MEIS2: variants seen among roughly 807,000 people sequenced by gnomAD.
The protein encoded by MEIS2 is homeobox protein Meis2.
Under a neutral mutation model 58.6 loss-of-function variants are expected in MEIS2, and 9 were observed. The ratio of observed to expected loss-of-function variants is 0.15; its 90% confidence interval spans 0.09 to 0.27. MEIS2 has a LOEUF of 0.27. Ranked by LOEUF, MEIS2 falls within the 10% of genes least tolerant of loss-of-function variation. The pLI is 1.00. For synonymous variants in MEIS2, 221 were observed against 228.4 expected, an observed-to-expected ratio of 0.97 and a Z score of 0.29; for missense variants, 427 against 635.0, an observed-to-expected ratio of 0.67 and a Z score of 3.52.
intron 9 of MEIS2, among the ~76,000 whole-genome samples, chr15:36,919,943 T>C (rs146216332): frequency 2.1e-4 from 32 of 152,222 alleles, no homozygotes; most frequent in African/African-American, 7.7e-4. Context: ...TTCGTCCAAA[T>C]ATTTAGGCAC....
At chr15:36,895,362 T>A (rs975926568) in intron 10 of MEIS2, 101 bp from the exon 11 acceptor site, 1 of 990,102 alleles carries the variant, frequency 1.0e-6, no homozygotes, top group Non-Finnish European at 1.5e-6. Flanking sequence ...ATAGCAACAA[T>A]GTGGTTGGCA....
At chr15:36,967,998 G>A (rs1485296288) in intron 8 of MEIS2, among the ~76,000 whole-genome samples, 2 of 152,228 alleles carry the variant, frequency 1.3e-5, no homozygotes, top group Admixed American at 6.5e-5. Context: ...TACTTGTTAA[G>A]AGTGTGGTGT....
At chr15:37,044,712 C>A (rs143819647) in intron 7 of MEIS2, among the ~76,000 whole-genome samples, 3 of 152,298 alleles carry the variant, frequency 2.0e-5, no homozygotes, top group Non-Finnish European at 4.4e-5. Context: ...ATTAACAGAG[C>A]TAGTGTGCTA....
intron 8 of MEIS2, among the ~76,000 whole-genome samples, chr15:37,027,370 A>T (rs1255329696): frequency 6.6e-6 from 1 of 152,150 alleles, no homozygotes; most frequent in East Asian, 1.9e-4. Flanking sequence ...GTATTCTCAT[A>T]ACCCAGTCAA....
chr15:36,900,311 T>C (rs2056402753), intron 9 of MEIS2, among the ~76,000 whole-genome samples: 1 of 152,324 alleles, frequency 6.6e-6, no homozygotes, highest in African/African-American at 2.4e-5. Context: ...GGGCTACACA[T>C]AATTTCATTA....
intron 8 of MEIS2, among the ~76,000 whole-genome samples, chr15:37,015,343 T>C (rs896029529): frequency 6.6e-6 from 1 of 152,206 alleles, no homozygotes; most frequent in African/African-American, 2.4e-5. Context: ...CCCTTTGAAC[T>C]TGTAATTGCT....
At chr15:37,101,267 G>A (rs1407065106), upstream of MEIS2, 7 of 152,106 alleles carry the variant, frequency 4.6e-5, no homozygotes, top group African/African-American at 4.9e-5. Context: ...GGGAGGAAGT[G>A]AGGAGGCAGT....
rs929408012 is a variant in MEIS2 at position 36,949,197 on chromosome 15, T to TG, written c.977+1126dup. ...GCCAATTTAAGTAGCTTGACTTCCC[T>TG]GGGAAAAAAAAAAATTGCCTGACAG... On this transcript the variant is annotated intron_variant, in intron 9 of 11. Transcript: ENST00000561208. 7.9e-4 allele frequency among the ~76,000 whole-genome samples: 103 copies of TG among 130,080 alleles called. 1 individual carries two copies. The East Asian group carries it at 0.017, about 22-fold the overall frequency. 85.3% of individuals were successfully genotyped at this position (130,080 alleles called of 152,430 possible).
intron 1 of MEIS2, chr15:37,098,990 GCAGCGGCTGCGGCAGCGCGGCCC>G (rs1158681688): frequency 8.1e-6 from 8 of 983,976 alleles, no homozygotes; most frequent in South Asian, 4.5e-5. Flanking sequence ...AGGCGGCGGC[GCAGCGGCTGCGGCAGCGCGGCCC>G]CAGCGGCGGC....
At chr15:36,977,765 G>A (rs2141493362) in intron 8 of MEIS2, among the ~76,000 whole-genome samples, 1 of 152,256 alleles carries the variant, frequency 6.6e-6, no homozygotes, top group South Asian at 2.1e-4. Context: ...ACTTAGAAAA[G>A]GCTGGTTGAT....
intron 7 of MEIS2, among the ~76,000 whole-genome samples, chr15:37,082,023 C>T (rs554614784): frequency 6.6e-5 from 10 of 152,270 alleles, no homozygotes; most frequent in African/African-American, 2.2e-4. Context: ...TTCTCTCTGG[C>T]CCTTTCTTGC....
At chr15:37,023,911 CTTTTTTTTTTTTTT>C (rs35244111) in intron 8 of MEIS2, among the ~76,000 whole-genome samples, 1 of 101,538 alleles carries the variant, frequency 9.8e-6, no homozygotes, top group African/African-American at 3.9e-5. Context: ...TTTTCTCTCT[CTTTTTTTTTTTTTT>C]TTTTTTTTGA....
Position 36,996,158 on chromosome 15 carries a change from T to C in MEIS2, c.900+40656A>G, listed in dbSNP as rs145575057. Among the ~76,000 whole-genome samples the C allele has an allele frequency of 2.3e-3, 353 of 151,834 alleles. 2 individuals carry two copies. The highest frequency in any genetic ancestry group is 8.2e-3 in the African/African-American group (338 of 41,434). On this transcript the variant is annotated intron_variant, in intron 8 of 11. Transcript: ENST00000561208. ...TGGTAAAGGAAAACCAAGCTACTGT[T>C]ATCTAAGACAATTTTCTCATTTAGT...
chr15:37,054,762 T>A (rs1381313040), intron 7 of MEIS2, among the ~76,000 whole-genome samples: 1 of 152,244 alleles, frequency 6.6e-6, no homozygotes, highest in African/African-American at 2.4e-5. Flanking sequence ...GAAGCCTGTT[T>A]GTGATATTTA....
chr15:37,093,625 C>T lies in MEIS2; in HGVS notation c.595G>A (p.Asp199Asn). Residue 199 changes from aspartate to asparagine, a missense_variant, in exon 6 of 12, where the codon GAT becomes AAT. Transcript: ENST00000561208. ...IDERDGSSKS[D>N]HEELSGSSTN... ...GAGGAGCCTGAAAGTTCTTCATGAT[C>T]TGACTTGGAGCTGCCGTCTCTTTCA... is the stretch of plus-strand genomic sequence containing the variant. 1.9e-6 allele frequency: 3 copies of T among 1,614,194 alleles called. No homozygotes were observed. The highest frequency in any genetic ancestry group is 2.5e-6 in the Non-Finnish European group (3 of 1,180,040).
intron 9 of MEIS2, among the ~76,000 whole-genome samples, chr15:36,927,017 G>A (rs952447755): frequency 2.0e-5 from 3 of 152,168 alleles, no homozygotes; most frequent in Non-Finnish European, 2.9e-5. Flanking sequence ...AGGGAAACAC[G>A]AACCAGGTTG....
intron 8 of MEIS2, among the ~76,000 whole-genome samples, chr15:36,954,421 AT>A (rs576537844): frequency 2.2e-3 from 328 of 148,682 alleles, no homozygotes; most frequent in African/African-American, 7.4e-3. Flanking sequence ...AATTTTAAAA[AT>A]ATAATATCAA....
At chr15:36,926,094 C>A (rs181823842) in intron 9 of MEIS2, among the ~76,000 whole-genome samples, 1 of 152,100 alleles carries the variant, frequency 6.6e-6, no homozygotes, top group East Asian at 1.9e-4. Flanking sequence ...TTATGTTCTT[C>A]CAGGCTGTCA....
At chr15:37,009,391 G>C (rs2061049755) in intron 8 of MEIS2, among the ~76,000 whole-genome samples, 1 of 152,210 alleles carries the variant, frequency 6.6e-6, no homozygotes, top group Non-Finnish European at 1.5e-5. Flanking sequence ...GTTCAGGTTT[G>C]TTTTGTTTTG....
Sources: gnomAD v4.1 joint callset for allele counts (sites outside exome capture counted in the v4.1 genomes callset) on GRCh38, gnomAD v4.1.1 for gene constraint, MANE v1.5 for transcripts, NCBI Gene and HGNC (gene_info 2026-07-23, HGNC 2026-07-21) for gene names.